Variants in ABLIM2 observed in about 807,000 individuals in gnomAD.
ABLIM2 encodes actin binding LIM protein family member 2.
Under a neutral mutation model 97.7 loss-of-function variants are expected in ABLIM2, and 53 were observed. That is an observed-to-expected ratio of 0.54 (90% CI 0.44 to 0.68). ABLIM2 has a LOEUF of 0.68. Among genes scored for constraint, ABLIM2 ranks in the 30% least tolerant of loss-of-function variants. The probability of loss-of-function intolerance (pLI) is 0.00; values close to 1 mark genes in which losing one functional copy is unlikely to be tolerated. For synonymous variants in ABLIM2, 361 were observed against 345.8 expected, an observed-to-expected ratio of 1.04 and a Z score of -0.49; for missense variants, 835 against 867.2, an observed-to-expected ratio of 0.96 and a Z score of 0.47.
At chr4:8,144,215 C>T (rs1265968258) in intron 1 of ABLIM2, among the ~76,000 whole-genome samples, 4 of 152,306 alleles carry the variant, frequency 2.6e-5, no homozygotes, top group East Asian at 1.9e-4. Context: ...CCCTGGTGCT[C>T]GGCCAGAAAT....
chr4:8,135,766 C>G (rs1280677693), intron 1 of ABLIM2, among the ~76,000 whole-genome samples: 1 of 152,220 alleles, frequency 6.6e-6, no homozygotes, highest in Non-Finnish European at 1.5e-5. Flanking sequence ...CGGCACCCAG[C>G]CCGGAGGCCG....
In ABLIM2 at chr4:8,125,732, C is replaced by A. The variant is rs1285101638; in HGVS notation, c.11-19095G>T. ...CAGACTCAGCTGAGCTGGAGAGGCCCGCCCAGCCTCTGCCATGGAAACTCC... is the reference window on the plus strand; with the variant it reads ...CAGACTCAGCTGAGCTGGAGAGGCCAGCCCAGCCTCTGCCATGGAAACTCC... On this transcript the variant is annotated intron_variant, in intron 1 of 20. Transcript: ENST00000447017. This position sits in a 1 kb window ranked among gnomAD's most constrained non-coding sequence, Gnocchi z 6.2. 6.6e-6 allele frequency among the ~76,000 whole-genome samples: 1 copy of A among 152,214 alleles called. No individual in the cohort carries two copies. The highest frequency in any genetic ancestry group is 2.4e-5 in the African/African-American group (1 of 41,452).
intron 1 of ABLIM2, among the ~76,000 whole-genome samples, chr4:8,134,153 C>A (rs925352858): frequency 6.6e-6 from 1 of 152,142 alleles, no homozygotes; most frequent in Non-Finnish European, 1.5e-5. Flanking sequence ...CGAGGCCAGG[C>A]GGAAACAAAG....
chr4:8,065,111 G>C (rs565498382), intron 6 of ABLIM2, among the ~76,000 whole-genome samples: 2 of 152,120 alleles, frequency 1.3e-5, no homozygotes, highest in Admixed American at 6.5e-5. Context: ...AATTAGCCAG[G>C]CATGGTGGCT....
At position 8,113,083 on chromosome 4, in the gene ABLIM2, G is replaced by A. The variant is rs1039623412; in HGVS notation, c.11-6446C>T. 3.3e-5 allele frequency among the ~76,000 whole-genome samples: 5 copies of A among 152,094 alleles called. No homozygotes were observed. Among genetic ancestry groups the A allele is most frequent in the Non-Finnish European group, 5.9e-5 (4 of 68,024 alleles). ...CAGACAGCAGAGTCCTCATCATTCCGTGATCTCTGGGAATCTTTTTTCTTC... is the reference window on the plus strand; with the variant it reads ...CAGACAGCAGAGTCCTCATCATTCCATGATCTCTGGGAATCTTTTTTCTTC... On this transcript the variant is annotated intron_variant, in intron 1 of 20. Coordinates refer to ENST00000447017, the MANE Select transcript of ABLIM2 (RefSeq NM_001130083.2). The surrounding 1 kb of genome is among the most constrained non-coding windows in gnomAD (Gnocchi z 4.5).
chr4:8,144,838 A>G (rs1007045918), intron 1 of ABLIM2, among the ~76,000 whole-genome samples: 2 of 152,242 alleles, frequency 1.3e-5, no homozygotes, highest in Non-Finnish European at 2.9e-5. Context: ...CTCTTTGGAA[A>G]GCATAAAAAT....
chr4:7,969,907 A>G (rs1726383034), intron 20 of ABLIM2, among the ~76,000 whole-genome samples: 1 of 152,158 alleles, frequency 6.6e-6, no homozygotes, highest in Non-Finnish European at 1.5e-5. Flanking sequence ...CTTGGTGCTG[A>G]GAAATCCATC....
intron 20 of ABLIM2, among the ~76,000 whole-genome samples, chr4:7,979,819 C>G (rs2149580532): frequency 1.3e-5 from 2 of 152,322 alleles, no homozygotes; most frequent in South Asian, 4.1e-4. Context: ...CATTGCATTC[C>G]TTGGGTCAAA....
At chr4:8,024,707 C>G (rs901311917) in intron 12 of ABLIM2, among the ~76,000 whole-genome samples, 1 of 152,194 alleles carries the variant, frequency 6.6e-6, no homozygotes, top group South Asian at 2.1e-4. Flanking sequence ...AACGGGACCC[C>G]GGGTAGAAGC....
chr4:8,136,510 C>G (rs993170698), intron 1 of ABLIM2, among the ~76,000 whole-genome samples: 5 of 152,200 alleles, frequency 3.3e-5, no homozygotes, highest in Admixed American at 1.3e-4. Context: ...AGCAAAAATC[C>G]AAAACTAGAC....
intron 1 of ABLIM2, 26 bp downstream of exon 1, chr4:8,158,654 T>C: frequency 1.3e-6 from 2 of 1,503,960 alleles, no homozygotes. Context: ...CGGGGACCCG[T>C]TGGTCCCTCG....
chr4:8,142,055 C>T (rs1355318630), intron 1 of ABLIM2, among the ~76,000 whole-genome samples: 1 of 152,192 alleles, frequency 6.6e-6, no homozygotes, highest in African/African-American at 2.4e-5. Flanking sequence ...CCTCCAGCTG[C>T]AAGCCCAGCC....
chr4:7,971,162 G>T (rs913187859), intron 20 of ABLIM2, among the ~76,000 whole-genome samples: 6 of 152,164 alleles, frequency 3.9e-5, no homozygotes, highest in South Asian at 2.1e-4. Flanking sequence ...GTGGCCAGCT[G>T]CAAAACTGGC....
intron 10 of ABLIM2, among the ~76,000 whole-genome samples, chr4:8,035,687 T>C (rs767947153): frequency 1.1e-4 from 16 of 152,124 alleles, no homozygotes; most frequent in Non-Finnish European, 2.1e-4. Context: ...TAATCTGTGG[T>C]TCAACCAGGT....
rs1443934390 is a variant in ABLIM2, at chr4:8,125,290, C to T, written c.11-18653G>A. On this transcript the variant is annotated intron_variant, in intron 1 of 20. Coordinates refer to ENST00000447017, the MANE Select transcript of ABLIM2 (RefSeq NM_001130083.2). The surrounding 1 kb of genome is among the most constrained non-coding windows in gnomAD (Gnocchi z 6.2). ...CTTTTCTAAGAAACCATCGCCTGAT[C>T]CACCGTCATGAAGATGCGCTTCTGA... Among the ~76,000 whole-genome samples the T allele has an allele frequency of 6.6e-6, 1 of 152,182 alleles. No homozygotes were observed. Among genetic ancestry groups the T allele is most frequent in the African/African-American group, 2.4e-5 (1 of 41,428 alleles).
At position 8,021,756 on chromosome 4, in the gene ABLIM2, C is replaced by T. The variant is rs544472302; in HGVS notation, c.1268-1453G>A. ...AGGGTGGCCCCAGCCAGGCTGATGC[C>T]GTAGAAAGGACTGCAGGCTCTAACT... On this transcript the variant is annotated intron_variant, in intron 12 of 20. Coordinates refer to ENST00000447017, the MANE Select transcript of ABLIM2 (RefSeq NM_001130083.2). This position sits in a 1 kb window ranked among gnomAD's most constrained non-coding sequence, Gnocchi z 5.5. Among the ~76,000 whole-genome samples the T allele has an allele frequency of 8.5e-5, 13 of 152,312 alleles. No individual in the cohort carries two copies. In the South Asian group the frequency reaches 1.2e-3, roughly 15 times the overall value.
At chr4:8,059,008 T>C (rs1210866460) in intron 7 of ABLIM2, among the ~76,000 whole-genome samples, 1 of 152,116 alleles carries the variant, frequency 6.6e-6, no homozygotes, top group Admixed American at 6.5e-5. Context: ...CTGTCTGCCA[T>C]ATTCAAAATC....
At position 8,148,062 on chromosome 4, in the gene ABLIM2, C is replaced by G. The variant is rs1476839162; in HGVS notation, c.10+10618G>C. 6.6e-6 allele frequency among the ~76,000 whole-genome samples: 1 copy of G among 152,236 alleles called. No individual in the cohort carries two copies. Among genetic ancestry groups the G allele is most frequent in the African/African-American group, 2.4e-5 (1 of 41,470 alleles). On this transcript the variant is annotated intron_variant, in intron 1 of 20. Transcript: ENST00000447017. The surrounding 1 kb of genome is among the most constrained non-coding windows in gnomAD (Gnocchi z 6.7). ...CCCTGAGGCCCAGGTGGGCAGGCAACAAGGGATAGTGGCCCGACCTTGCTG... is the reference window on the plus strand; with the variant it reads ...CCCTGAGGCCCAGGTGGGCAGGCAAGAAGGGATAGTGGCCCGACCTTGCTG...
chr4:8,079,761 C>CGTGT (rs147424853), intron 5 of ABLIM2, among the ~76,000 whole-genome samples: 1 of 151,470 alleles, frequency 6.6e-6, no homozygotes, highest in African/African-American at 2.4e-5. Context: ...TGCGTGCGTG[C>CGTGT]GTGTGTGTGT....
Sources: allele counts gnomAD v4.1 joint callset (sites outside exome capture counted in the v4.1 genomes callset), GRCh38; gene constraint gnomAD v4.1.1; non-coding constraint Gnocchi (gnomAD v3.1); transcripts MANE v1.5; gene names NCBI Gene and HGNC (gene_info 2026-07-23, HGNC 2026-07-21).